SLC22A3: variants seen among roughly 807,000 people sequenced by gnomAD.
The protein encoded by SLC22A3 is solute carrier family 22 member 3.
Under a neutral mutation model 59.1 loss-of-function variants are expected in SLC22A3, and 51 were observed. That is an observed-to-expected ratio of 0.86 (90% CI 0.69 to 1.09). The LOEUF (loss-of-function observed/expected upper bound fraction) is 1.09. Ranked by LOEUF, SLC22A3 falls within the 50% of genes least tolerant of loss-of-function variation. The probability of loss-of-function intolerance (pLI) is 0.00; values close to 1 mark genes in which losing one functional copy is unlikely to be tolerated. For missense variants in SLC22A3, 711 were observed against 726.3 expected (o/e 0.98, Z 0.24); for synonymous variants, 325 against 292.0 (o/e 1.11, Z -1.15).
At chr6:160,403,068 A>T (rs1056136825) in intron 2 of SLC22A3, among the ~76,000 whole-genome samples, 27 of 151,668 alleles carry the variant, frequency 1.8e-4, no homozygotes, top group Admixed American at 1.8e-3. Flanking sequence ...AGAAACAGGA[A>T]ATCAAGGGAG....
At chr6:160,377,237 C>T (rs1785628780) in intron 1 of SLC22A3, among the ~76,000 whole-genome samples, 1 of 152,182 alleles carries the variant, frequency 6.6e-6, no homozygotes, top group Non-Finnish European at 1.5e-5. Context: ...GTAATTCCAG[C>T]ACTCTGGGAG....
In SLC22A3 at chr6:160,407,286, G is replaced by T. The variant is rs934293124; in HGVS notation, c.688+91G>T. 21 of 1,338,058 alleles carry T rather than the reference G, an allele frequency of 1.6e-5. No homozygotes were observed. The African/African-American group carries it at 2.3e-4, about 15-fold the overall frequency. The allele number at this position is 1,338,058 out of a possible 1,614,324, so 82.9% of individuals were successfully genotyped here. A position where few individuals can be genotyped will look rare whatever the true frequency, so the allele number is the denominator to read the frequency against. ...TAATCAACCTTCCTCTTCCTCATGT[G>T]TCCTTTAACAAAGGAGGTTTCACTG... On this transcript the variant is annotated intron_variant, in intron 3 of 10. Transcript: ENST00000275300.
chr6:160,403,765 CAATT>C (rs1391206952), intron 2 of SLC22A3, among the ~76,000 whole-genome samples: 2 of 56,746 alleles, frequency 3.5e-5, no homozygotes, highest in Non-Finnish European at 6.0e-5. Flanking sequence ...ATTCTAAAGT[CAATT>C]AATGTCATCC....
intron 1 of SLC22A3, among the ~76,000 whole-genome samples, chr6:160,396,383 G>T (rs1786472205): frequency 1.3e-5 from 2 of 152,132 alleles, no homozygotes; most frequent in Admixed American, 1.3e-4. Flanking sequence ...GAGCAGAACT[G>T]TAGGAGAACT....
At chr6:160,430,710 T>C (rs1788121412) in intron 5 of SLC22A3, among the ~76,000 whole-genome samples, 1 of 152,038 alleles carries the variant, frequency 6.6e-6, no homozygotes, top group Non-Finnish European at 1.5e-5. Flanking sequence ...GAATAGAGAG[T>C]GTCGATACTA....
At chr6:160,351,305 CG>C (rs1276646830) in intron 1 of SLC22A3, among the ~76,000 whole-genome samples, 3 of 152,082 alleles carry the variant, frequency 2.0e-5, no homozygotes, top group African/African-American at 7.2e-5. Context: ...TTAGTAGAGG[CG>C]GGGTTTCACT....
intron 1 of SLC22A3, among the ~76,000 whole-genome samples, chr6:160,367,085 C>A (rs112560930): frequency 6.8e-4 from 103 of 152,202 alleles, no homozygotes; most frequent in African/African-American, 2.2e-3. Context: ...TATATTAGTC[C>A]ATTCTTATGC....
chr6:160,385,142 T>C (rs1249087128), intron 1 of SLC22A3, among the ~76,000 whole-genome samples: 1 of 152,262 alleles, frequency 6.6e-6, no homozygotes, highest in Non-Finnish European at 1.5e-5. Flanking sequence ...GACTCTTGTG[T>C]CTCACTGAAA....
At chr6:160,406,963 T>C (rs1371708865) in intron 2 of SLC22A3, 78 bp from the exon 3 acceptor site, 2 of 1,501,316 alleles carry the variant, frequency 1.3e-6, no homozygotes, top group Non-Finnish European at 1.8e-6. Flanking sequence ...TGGTATGATA[T>C]AATATTTTAT....
chr6:160,438,392 G>T (rs1210721120), intron 7 of SLC22A3, among the ~76,000 whole-genome samples: 1 of 152,128 alleles, frequency 6.6e-6, no homozygotes, highest in Non-Finnish European at 1.5e-5. Context: ...CATCCTTTGT[G>T]TCTGCACAAA....
Position 160,359,004 on chromosome 6 carries a change from A to G in SLC22A3, c.429+10156A>G, listed in dbSNP as rs144074725. ...CATGAGCCTGGAAATCCTTCAATAA[A>G]TATGAACAACAAAAGTGCCCCAAAG... On this transcript the variant is annotated intron_variant, in intron 1 of 10. Transcript: ENST00000275300. 1.1e-3 allele frequency among the ~76,000 whole-genome samples: 174 copies of G among 152,324 alleles called. 2 individuals are homozygous for G. In the East Asian group the frequency reaches 0.032, roughly 28 times the overall value.
At chr6:160,355,429 C>T (rs1266676518) in intron 1 of SLC22A3, among the ~76,000 whole-genome samples, 1 of 152,166 alleles carries the variant, frequency 6.6e-6, no homozygotes, top group East Asian at 1.9e-4. Flanking sequence ...TCCCCTTGGG[C>T]TCTTGTGTGC....
At chr6:160,365,961 G>A (rs1275466507) in intron 1 of SLC22A3, among the ~76,000 whole-genome samples, 1 of 152,142 alleles carries the variant, frequency 6.6e-6, no homozygotes, top group Non-Finnish European at 1.5e-5. Context: ...TCACTATCAT[G>A]AGAACAGCAG....
intron 2 of SLC22A3, among the ~76,000 whole-genome samples, chr6:160,405,290 A>G (rs767531530): frequency 6.6e-6 from 1 of 152,160 alleles, no homozygotes; most frequent in African/African-American, 2.4e-5. Context: ...AGATGATAAT[A>G]AGCATATGAA....
At chr6:160,349,011 G>A (rs1784572832) in intron 1 of SLC22A3, 163 bp downstream of exon 1, 2 of 985,372 alleles carry the variant, frequency 2.0e-6, no homozygotes, top group African/African-American at 3.5e-5. Flanking sequence ...CCTTGGAAGT[G>A]CCGCGTCGTA....
At position 160,436,731 on chromosome 6, in the gene SLC22A3, T is replaced by G. The variant is rs185330861; in HGVS notation, c.976-49T>G. On this transcript the variant is annotated intron_variant, in intron 5 of 10. Transcript: ENST00000275300. ...TAATGACAAGTCTATACTATGCAGG[T>G]TTTTTTTTTTTCTGTCTATTGCTAC... 2.8e-4 allele frequency: 211 copies of G among 748,926 alleles called. No homozygotes were observed. The East Asian group carries it at 2.8e-3, about 10-fold the overall frequency. The allele number at this position is 748,926 out of a possible 1,614,324, so 46.4% of individuals were successfully genotyped here. A position where few individuals can be genotyped will look rare whatever the true frequency, so the allele number is the denominator to read the frequency against.
At chr6:160,378,161 T>C (rs1393385838) in intron 1 of SLC22A3, among the ~76,000 whole-genome samples, 1 of 152,220 alleles carries the variant, frequency 6.6e-6, no homozygotes, top group Non-Finnish European at 1.5e-5. Flanking sequence ...GAATAATATG[T>C]TGAGCTCAAA....
intron 5 of SLC22A3, chr6:160,426,253 T>C (rs1787947172): frequency 5.1e-6 from 5 of 985,400 alleles, no homozygotes; most frequent in Non-Finnish European, 6.0e-6. Context: ...AATTTGGATA[T>C]TTGACAAATT....
At chr6:160,403,566 AC>A (rs1182730278) in intron 2 of SLC22A3, among the ~76,000 whole-genome samples, 2 of 151,972 alleles carry the variant, frequency 1.3e-5, no homozygotes, top group Non-Finnish European at 2.9e-5. Flanking sequence ...TTACTTTAAT[AC>A]CTAAATTGGA....
Sources: gnomAD v4.1 joint callset for allele counts (sites outside exome capture counted in the v4.1 genomes callset) on GRCh38, gnomAD v4.1.1 for gene constraint, MANE v1.5 for transcripts, NCBI Gene and HGNC (gene_info 2026-07-23, HGNC 2026-07-21) for gene names.